SPATS2: variants seen among roughly 807,000 people sequenced by gnomAD.
The protein encoded by SPATS2 is spermatogenesis-associated serine-rich protein 2.
A neutral mutation model predicts 63.7 loss-of-function variants in SPATS2; 38 were observed. The observed-to-expected ratio is 0.60, with a 90% CI of 0.46 to 0.78. The LOEUF is 0.78. SPATS2 is among the 30% of genes least tolerant of loss of function. The pLI is 0.00. For missense variants in SPATS2, 588 were observed against 666.2 expected (o/e 0.88, Z 1.29); for synonymous variants, 207 against 232.9 (o/e 0.89, Z 1.01).
intron 11 of SPATS2, 91 bp from the exon 12 acceptor site, chr12:49,522,660 T>C: frequency 2.0e-6 from 2 of 1,008,628 alleles, no homozygotes; most frequent in Non-Finnish European, 2.9e-6. Flanking sequence ...AAAAAGACAA[T>C]TGAAAATGAT....
rs547431853 is a variant in SPATS2, at chr12:49,378,747, C to A, written c.-244+7457C>A. On this transcript the variant is annotated intron_variant, in intron 2 of 13. Coordinates refer to ENST00000552918, the MANE Select transcript of SPATS2 (RefSeq NM_023071.4). Reference sequence around the variant, plus strand: ...AGTAGCTGGGACTACAGGTGGATGCCATCATGCCTGGCTAATGTAAAAATT... The same window carrying A: ...AGTAGCTGGGACTACAGGTGGATGCAATCATGCCTGGCTAATGTAAAAATT... Among the ~76,000 whole-genome samples the A allele has an allele frequency of 2.6e-5, 4 of 152,106 alleles. No homozygotes were observed. The East Asian group carries it at 7.7e-4, about 29-fold the overall frequency.
intron 2 of SPATS2, among the ~76,000 whole-genome samples, chr12:49,411,483 A>C (rs1357549600): frequency 1.3e-5 from 2 of 152,180 alleles, no homozygotes; most frequent in Non-Finnish European, 2.9e-5. Context: ...GGTCCCCCCC[A>C]AAAAAGAAAA....
intron 2 of SPATS2, among the ~76,000 whole-genome samples, chr12:49,459,350 T>C (rs1302827555): frequency 1.3e-5 from 2 of 151,928 alleles, no homozygotes; most frequent in African/African-American, 4.8e-5. Flanking sequence ...TTTATTTTAT[T>C]ATTTATTTAT....
chr12:49,502,683 C>T (rs1037109776), intron 9 of SPATS2, among the ~76,000 whole-genome samples: 16 of 152,166 alleles, frequency 1.1e-4, no homozygotes, highest in African/African-American at 3.9e-4. Flanking sequence ...TCTCCAATTC[C>T]TGGGCCCAAG....
chr12:49,404,411 C>G (rs538900080), intron 2 of SPATS2, among the ~76,000 whole-genome samples: 2 of 151,954 alleles, frequency 1.3e-5, no homozygotes, highest in East Asian at 3.9e-4. Flanking sequence ...CTCAGTCTCC[C>G]AAGTAGCTGG....
At chr12:49,524,542 T>G (rs528194328) in intron 12 of SPATS2, 140 bp from the exon 13 acceptor site, 1 of 837,540 alleles carries the variant, frequency 1.2e-6, no homozygotes, top group African/African-American at 1.7e-5. Flanking sequence ...TTCTTCCTGT[T>G]ACCAGTTTTA....
intron 1 of SPATS2, among the ~76,000 whole-genome samples, chr12:49,369,922 C>G (rs776793024): frequency 6.6e-5 from 10 of 152,278 alleles, no homozygotes; most frequent in Admixed American, 1.3e-4. Context: ...ACAATTGGTA[C>G]TAGCATTACC....
intron 4 of SPATS2, among the ~76,000 whole-genome samples, chr12:49,486,793 G>GA (rs541463305): frequency 1.3e-5 from 2 of 148,602 alleles, no homozygotes; most frequent in Non-Finnish European, 3.0e-5. Flanking sequence ...AAAAAAAAAA[G>GA]AAAAAAAAGA....
intron 2 of SPATS2, among the ~76,000 whole-genome samples, chr12:49,408,252 CTTTT>C (rs201465422): frequency 1.5e-5 from 2 of 137,084 alleles, no homozygotes; most frequent in African/African-American, 2.7e-5. Context: ...TAGTATTCTT[CTTTT>C]TTTTTTTTTT....
At chr12:49,373,283 A>G (rs1189137071) in intron 2 of SPATS2, among the ~76,000 whole-genome samples, 3 of 151,756 alleles carry the variant, frequency 2.0e-5, no homozygotes, top group Non-Finnish European at 4.4e-5. Flanking sequence ...CTCACATTGC[A>G]TTTTCTAAAT....
intron 3 of SPATS2, chr12:49,462,663 G>C: frequency 1.7e-6 from 1 of 580,212 alleles, no homozygotes; most frequent in Non-Finnish European, 3.1e-6. Context: ...TATTGCTGAT[G>C]AAAGTGGCTT....
chr12:49,504,770 CTT>C (rs745453843), intron 9 of SPATS2, among the ~76,000 whole-genome samples: 4 of 98,830 alleles, frequency 4.0e-5, no homozygotes, highest in Non-Finnish European at 6.2e-5. Flanking sequence ...TTCTTTCTTT[CTT>C]TTTTTTTTTT....
chr12:49,436,347 C>T (rs1464828309), intron 2 of SPATS2, among the ~76,000 whole-genome samples: 7 of 145,400 alleles, frequency 4.8e-5, no homozygotes, highest in Admixed American at 2.7e-4. Context: ...TAGGGGCGGC[C>T]GGGCAGAGGC....
At chr12:49,464,151 T>C (rs1945867985) in intron 3 of SPATS2, among the ~76,000 whole-genome samples, 1 of 152,206 alleles carries the variant, frequency 6.6e-6, no homozygotes, top group Non-Finnish European at 1.5e-5. Context: ...CCCAAGTGTA[T>C]AATTTGATTA....
chr12:49,405,664 G>A (rs1010638516), intron 2 of SPATS2, among the ~76,000 whole-genome samples: 1 of 151,458 alleles, frequency 6.6e-6, no homozygotes, highest in African/African-American at 2.4e-5. Flanking sequence ...GCAGTGAGCC[G>A]AGATCACACC....
At chr12:49,466,771 A>G (rs780087977) in intron 3 of SPATS2, among the ~76,000 whole-genome samples, 1 of 152,180 alleles carries the variant, frequency 6.6e-6, no homozygotes, top group Non-Finnish European at 1.5e-5. Context: ...TTTTTGGGCT[A>G]TTTTGGTTTC....
chr12:49,490,627 C>T, intron 5 of SPATS2, 55 bp from the exon 6 acceptor site: 3 of 1,520,648 alleles, frequency 2.0e-6, no homozygotes, highest in East Asian at 4.5e-5. Context: ...CTGACTCCTG[C>T]TTGACTACTG....
chr12:49,513,532 A>G (rs1021071726), intron 9 of SPATS2, among the ~76,000 whole-genome samples: 2 of 152,236 alleles, frequency 1.3e-5, no homozygotes, highest in African/African-American at 4.8e-5. Context: ...TTATGTGCCT[A>G]TAAACCATTT....
chr12:49,429,907 G>T (rs1419577069), intron 2 of SPATS2, among the ~76,000 whole-genome samples: 1 of 146,728 alleles, frequency 6.8e-6, no homozygotes, highest in Non-Finnish European at 1.5e-5. Flanking sequence ...CAGCCTCCCA[G>T]GTAGCTGGGA....
Sources: gnomAD v4.1 joint callset for allele counts (sites outside exome capture counted in the v4.1 genomes callset) on GRCh38, gnomAD v4.1.1 for gene constraint, MANE v1.5 for transcripts, NCBI Gene and HGNC (gene_info 2026-07-23, HGNC 2026-07-21) for gene names.